The following ASCC3 variants were observed in gnomAD, a reference collection of about 807,000 sequenced individuals.
ASCC3 encodes ASC-1 complex subunit P200.
ASCC3 carries 158 observed loss-of-function variants against 256.3 expected under a neutral mutation model. That is an observed-to-expected ratio of 0.62 (90% CI 0.54 to 0.70). ASCC3 has a LOEUF of 0.70. Ranked by LOEUF, ASCC3 falls within the 30% of genes least tolerant of loss-of-function variation. The pLI, the probability that ASCC3 is intolerant of heterozygous loss-of-function variation, is 0.00. For synonymous variants in ASCC3, 948 were observed against 883.4 expected, an observed-to-expected ratio of 1.07 and a Z score of -1.30; for missense variants, 2,259 against 2,626.0, an observed-to-expected ratio of 0.86 and a Z score of 3.05.
At chr6:100,642,143 C>A (rs1387969837) in intron 24 of ASCC3, among the ~76,000 whole-genome samples, 3 of 149,432 alleles carry the variant, frequency 2.0e-5, no homozygotes, top group Non-Finnish European at 3.0e-5. Context: ...TGCACATGTA[C>A]CCTAAAAGTT....
intron 10 of ASCC3, among the ~76,000 whole-genome samples, chr6:100,750,281 G>A (rs74999926): frequency 0.021 from 3,174 of 152,062 alleles, 117 homozygotes; most frequent in Admixed American, 0.093. Flanking sequence ...AATTTCAAAG[G>A]TATATGATGA....
chr6:100,683,264 T>C (rs17060882), intron 13 of ASCC3, among the ~76,000 whole-genome samples: 4,137 of 152,264 alleles, frequency 0.027, 191 homozygotes, highest in African/African-American at 0.096. Flanking sequence ...TGCCACATTA[T>C]GTAAATCCTG....
intron 39 of ASCC3, among the ~76,000 whole-genome samples, chr6:100,515,871 A>C (rs1773998963): frequency 6.6e-6 from 1 of 152,114 alleles, no homozygotes; most frequent in Non-Finnish European, 1.5e-5. Flanking sequence ...TTTATACTGA[A>C]ACAACTTCTC....
chr6:100,552,318 A>T (rs1769340410), intron 36 of ASCC3, among the ~76,000 whole-genome samples: 1 of 151,938 alleles, frequency 6.6e-6, no homozygotes, highest in Admixed American at 6.6e-5. Context: ...AACCTACTTT[A>T]AAAAATATGA....
At chr6:100,696,851 A>C (rs1477178354) in intron 13 of ASCC3, among the ~76,000 whole-genome samples, 1 of 152,104 alleles carries the variant, frequency 6.6e-6, no homozygotes, top group African/African-American at 2.4e-5. Context: ...AAATAGGTTC[A>C]AAGGTCCTTT....
At chr6:100,802,950 G>C (rs1207812928) in intron 5 of ASCC3, among the ~76,000 whole-genome samples, 1 of 152,096 alleles carries the variant, frequency 6.6e-6, no homozygotes, top group Non-Finnish European at 1.5e-5. Context: ...TGAGGCTGCA[G>C]TGATCCCTGA....
rs1213842318 is a variant in ASCC3, at chr6:100,702,829, T to C, written c.2151+12633A>G. On this transcript the variant is annotated intron_variant, in intron 13 of 41. Coordinates refer to ENST00000369162, the MANE Select transcript of ASCC3 (RefSeq NM_006828.4). Reference sequence around the variant, plus strand: ...CTTATTATCAGGGAATTTTATCTTTTTGTAAAAACAACCTTTTATTGAGGG... The same window carrying C: ...CTTATTATCAGGGAATTTTATCTTTCTGTAAAAACAACCTTTTATTGAGGG... 3.3e-5 allele frequency among the ~76,000 whole-genome samples: 5 copies of C among 152,194 alleles called. No individual in the cohort carries two copies. In the South Asian group the frequency reaches 8.3e-4, roughly 25 times the overall value.
intron 36 of ASCC3, among the ~76,000 whole-genome samples, chr6:100,542,264 T>C (rs1775497434): frequency 6.6e-6 from 1 of 151,726 alleles, no homozygotes; most frequent in African/African-American, 2.4e-5. Flanking sequence ...AAATAGAAAA[T>C]ATGAAAAGCA....
intron 4 of ASCC3, among the ~76,000 whole-genome samples, chr6:100,821,188 A>AT (rs939923922): frequency 4.0e-5 from 6 of 151,818 alleles, no homozygotes; most frequent in South Asian, 2.1e-4. Context: ...TCAGCTAATT[A>AT]TTTTTTTTGT....
At chr6:100,685,832 C>A (rs1777543590) in intron 13 of ASCC3, among the ~76,000 whole-genome samples, 2 of 152,142 alleles carry the variant, frequency 1.3e-5, no homozygotes. Flanking sequence ...ATTGTGCATG[C>A]CGTAGATCCA....
At chr6:100,721,069 T>A (rs948556648) in intron 11 of ASCC3, among the ~76,000 whole-genome samples, 1 of 151,306 alleles carries the variant, frequency 6.6e-6, no homozygotes, top group Non-Finnish European at 1.5e-5. Context: ...TTATGATATA[T>A]AATGTTATAT....
intron 8 of ASCC3, among the ~76,000 whole-genome samples, chr6:100,789,497 G>A (rs1258554889): frequency 1.3e-5 from 2 of 151,852 alleles, no homozygotes; most frequent in African/African-American, 4.8e-5. Flanking sequence ...GCTCCCAGAT[G>A]ACTATTAAGT....
rs201618067 is a variant in ASCC3 at position 100,625,902 on chromosome 6, A to AT, written c.4643-569dup. ...TAAATCAGAAGAAAGTTTTCCCTCC[A>AT]TTTTTTTTTAAAAGCATATGTGTGA... On this transcript the variant is annotated intron_variant, in intron 29 of 41. Coordinates refer to ENST00000369162, the MANE Select transcript of ASCC3 (RefSeq NM_006828.4). Among the ~76,000 whole-genome samples, 406 of 151,350 alleles carry AT rather than the reference A, an allele frequency of 2.7e-3. 1 individual carries two copies. Among genetic ancestry groups the AT allele is most frequent in the African/African-American group, 9.0e-3 (371 of 41,318 alleles).
chr6:100,751,069 C>T (rs1330391169), intron 10 of ASCC3, among the ~76,000 whole-genome samples: 2 of 151,984 alleles, frequency 1.3e-5, no homozygotes, highest in East Asian at 1.9e-4. Context: ...TTTTCACTGG[C>T]TCATAATCCA....
chr6:100,736,324 GA>G (rs948417378), intron 10 of ASCC3, among the ~76,000 whole-genome samples: 35 of 152,082 alleles, frequency 2.3e-4, no homozygotes, highest in African/African-American at 8.0e-4. Context: ...CCAACATGGT[GA>G]AACCCCATCT....
At chr6:100,723,352 G>A (rs76000173) in intron 11 of ASCC3, among the ~76,000 whole-genome samples, 2,327 of 151,646 alleles carry the variant, frequency 0.015, 24 homozygotes, top group East Asian at 0.045. Context: ...ATCCAAATGT[G>A]ACATAGGTTT....
At chr6:100,521,520 A>G (rs183122210) in intron 37 of ASCC3, among the ~76,000 whole-genome samples, 9 of 152,346 alleles carry the variant, frequency 5.9e-5, no homozygotes, top group Non-Finnish European at 7.3e-5. Flanking sequence ...CATGAAATGT[A>G]TGGGTAGAAG....
chr6:100,615,272 C>A (rs190254770), intron 30 of ASCC3, among the ~76,000 whole-genome samples: 4 of 152,218 alleles, frequency 2.6e-5, no homozygotes, highest in East Asian at 3.9e-4. Context: ...CGTGCTCAGC[C>A]CAGCTACTGA....
chr6:100,619,065 G>T (rs558859430), intron 30 of ASCC3, among the ~76,000 whole-genome samples: 1 of 152,318 alleles, frequency 6.6e-6, no homozygotes, highest in East Asian at 1.9e-4. Context: ...GTACTATCCT[G>T]CAGGATGAGG....
Sources: allele counts gnomAD v4.1 joint callset (sites outside exome capture counted in the v4.1 genomes callset), GRCh38; gene constraint gnomAD v4.1.1; transcripts MANE v1.5; gene names NCBI Gene and HGNC (gene_info 2026-07-23, HGNC 2026-07-21).